Variants in HAPSTR2 observed in about 807,000 individuals in gnomAD.
HAPSTR2 encodes HUWE1 associated protein modifying stress responses 2.
chrX:140,092,393 C>T, the HAPSTR2 span: 1 of 754,035 alleles, frequency 1.3e-6, no homozygotes. Context: ...ACAGCGGTGT[C>T]GCCAGCAGTG....
At chrX:140,092,894 A>T in the HAPSTR2 span, among the ~76,000 whole-genome samples, 1 of 111,893 alleles carries the variant, frequency 8.9e-6, no homozygotes, top group African/African-American at 3.2e-5. Context: ...GGTGCTCAAT[A>T]AATGTTCATT....
the HAPSTR2 span, chrX:140,092,140 G>C: frequency 1.3e-6 from 1 of 772,748 alleles, no homozygotes; most frequent in Non-Finnish European, 1.5e-6. Context: ...AAGGGCCGGA[G>C]CACCATTCGT....
At chrX:140,092,097 C>A in the HAPSTR2 span, 1 of 793,314 alleles carries the variant, frequency 1.3e-6, no homozygotes, top group Non-Finnish European at 1.5e-6. Context: ...TGGCCACCAG[C>A]GTCGCATCAA....
the HAPSTR2 span, chrX:140,091,796 C>T: frequency 6.3e-6 from 6 of 956,120 alleles, no homozygotes; most frequent in East Asian, 1.2e-4. Context: ...ACTGGTTTTC[C>T]AAGTGGGAGC....
chrX:140,091,844 G>GC, the HAPSTR2 span: 1 of 980,623 alleles, frequency 1.0e-6, no homozygotes, highest in Non-Finnish European at 1.3e-6. Flanking sequence ...AGGAGCAGCT[G>GC]CCCCCCGAGC....
At chrX:140,092,491 G>T in the HAPSTR2 span, 4 of 751,765 alleles carry the variant, frequency 5.3e-6, no homozygotes, top group Non-Finnish European at 6.3e-6. Flanking sequence ...GGGGGGATCC[G>T]CAAGCGCACC....
At chrX:140,091,846 C>T in the HAPSTR2 span, 2 of 980,191 alleles carry the variant, frequency 2.0e-6, no homozygotes, top group South Asian at 2.7e-5. Flanking sequence ...GAGCAGCTGC[C>T]CCCCGAGCTG....
the HAPSTR2 span, chrX:140,092,282 G>A: frequency 5.3e-6 from 4 of 753,066 alleles, no homozygotes; most frequent in African/African-American, 4.6e-5. Context: ...CCAGCTCATC[G>A]GTGGACGTCG....
chrX:140,091,845 C>T, the HAPSTR2 span: 2 of 978,196 alleles, frequency 2.0e-6, no homozygotes, highest in African/African-American at 2.0e-5. Flanking sequence ...GGAGCAGCTG[C>T]CCCCCGAGCT....
the HAPSTR2 span, chrX:140,092,605 G>A: frequency 1.4e-6 from 1 of 738,469 alleles, no homozygotes; most frequent in Admixed American, 8.9e-5. Context: ...GCTTGAGAGT[G>A]AACTCAACCG....
chrX:140,091,699 C>T, the HAPSTR2 span: 1 of 720,276 alleles, frequency 1.4e-6, no homozygotes, highest in East Asian at 9.6e-5. Flanking sequence ...GCGGCGGCGG[C>T]GGAGGAGGAG....
the HAPSTR2 span, chrX:140,091,682 G>A: frequency 1.7e-6 from 1 of 601,517 alleles, no homozygotes; most frequent in Non-Finnish European, 2.1e-6. Context: ...ACCAAGAGTA[G>A]GCAGCAGCGG....
the HAPSTR2 span, chrX:140,092,318 C>A: frequency 2.7e-6 from 2 of 754,484 alleles, no homozygotes; most frequent in Non-Finnish European, 3.1e-6. Flanking sequence ...AGGAGGCGAT[C>A]GCCCTGCATG....
chrX:140,092,078 T>C, the HAPSTR2 span: 1 of 802,164 alleles, frequency 1.2e-6, no homozygotes, highest in African/African-American at 2.2e-5. Flanking sequence ...TTGACTTGGG[T>C]GTCCAGGTTG....
the HAPSTR2 span, chrX:140,091,974 C>G: frequency 1.2e-6 from 1 of 837,849 alleles, no homozygotes. Context: ...TGGGTGCCAA[C>G]AGCAAGGACT....
the HAPSTR2 span, chrX:140,092,612 A>G: frequency 1.4e-6 from 1 of 731,007 alleles, no homozygotes; most frequent in Non-Finnish European, 1.6e-6. Context: ...AGTGAACTCA[A>G]CCGTCGACAT....
chrX:140,092,168 C>T, the HAPSTR2 span: 2 of 760,280 alleles, frequency 2.6e-6, no homozygotes, highest in South Asian at 1.4e-4. Context: ...ACTTGATTAG[C>T]TTCCTGTGTG....
At chrX:140,092,432 C>T in the HAPSTR2 span, 16 of 754,245 alleles carry the variant, frequency 2.1e-5, no homozygotes, top group Non-Finnish European at 2.5e-5. Flanking sequence ...TCTTGGAGGA[C>T]GACTTGAATC....
At chrX:140,091,995 G>A in the HAPSTR2 span, 1 of 826,065 alleles carries the variant, frequency 1.2e-6, no homozygotes, top group Non-Finnish European at 1.5e-6. Flanking sequence ...TTCCATGTGG[G>A]ACCCCTTCCA....
Sources: allele counts gnomAD v4.1 joint callset (sites outside exome capture counted in the v4.1 genomes callset), GRCh38; gene constraint gnomAD v4.1.1; transcripts MANE v1.5; gene names NCBI Gene and HGNC (gene_info 2026-07-23, HGNC 2026-07-21).